ELOVL6: variants seen among roughly 807,000 people sequenced by gnomAD.
ELOVL6 encodes the protein ELOVL fatty acid elongase 6.
A neutral mutation model predicts 31.7 loss-of-function variants in ELOVL6; 8 were observed. That is an observed-to-expected ratio of 0.25 (90% CI 0.15 to 0.45). The LOEUF (loss-of-function observed/expected upper bound fraction) is 0.45. Among genes scored for constraint, ELOVL6 ranks in the 20% least tolerant of loss-of-function variants. The probability of loss-of-function intolerance (pLI) is 1.00; values close to 1 mark genes in which losing one functional copy is unlikely to be tolerated. For synonymous variants in ELOVL6, 101 were observed against 117.7 expected, an observed-to-expected ratio of 0.86 and a Z score of 0.92; for missense variants, 126 against 326.4, an observed-to-expected ratio of 0.39 and a Z score of 4.73.
chr4:110,108,003 T>C (rs956762822), intron 1 of ELOVL6, among the ~76,000 whole-genome samples: 1 of 152,192 alleles, frequency 6.6e-6, no homozygotes, highest in Non-Finnish European at 1.5e-5. Context: ...TGAAGTGTTA[T>C]CTTATAAGCT....
rs1553956743 is a variant in ELOVL6, at chr4:110,090,600, C to CTTTTTTGTTTTTTTTT, written c.221+14896_221+14897insAAAAAAAAACAAAAAA. The stretch of plus-strand genomic sequence containing the variant: ...GGAACTTACAGGAAAGTTTGACTTT[C>CTTTTTTGTTTTTTTTT]TTTTTTTTTTTTTTTTTTTTCATGA... On this transcript the variant is annotated intron_variant, in intron 2 of 3. Coordinates refer to ENST00000302274, the MANE Select transcript of ELOVL6 (RefSeq NM_024090.3). Among the ~76,000 whole-genome samples, 106 of 103,714 alleles carry CTTTTTTGTTTTTTTTT rather than the reference C, an allele frequency of 1.0e-3. 4 individuals carry two copies. The highest frequency in any genetic ancestry group is 1.2e-3 in the Non-Finnish European group (68 of 55,216). The allele number at this position is 103,714 out of a possible 152,430, so 68.0% of individuals were successfully genotyped here.
At chr4:110,121,296 T>A (rs920267535) in intron 1 of ELOVL6, among the ~76,000 whole-genome samples, 2 of 152,234 alleles carry the variant, frequency 1.3e-5, no homozygotes, top group Admixed American at 6.5e-5. Context: ...GCAATAATTC[T>A]CCTTTCAGTA....
At chr4:110,173,897 C>A (rs914115717) in intron 1 of ELOVL6, among the ~76,000 whole-genome samples, 1 of 151,412 alleles carries the variant, frequency 6.6e-6, no homozygotes, top group Non-Finnish European at 1.5e-5. Flanking sequence ...GGCTTAATAC[C>A]TGGGTGATGA....
intron 2 of ELOVL6, among the ~76,000 whole-genome samples, chr4:110,061,642 C>T (rs911096955): frequency 1.3e-4 from 20 of 148,206 alleles, no homozygotes; most frequent in African/African-American, 5.0e-4. Flanking sequence ...CTGCAACCTC[C>T]GCCTCCTGGG....
At chr4:110,058,317 G>A (rs904240853) in intron 3 of ELOVL6, among the ~76,000 whole-genome samples, 11 of 152,228 alleles carry the variant, frequency 7.2e-5, no homozygotes, top group African/African-American at 2.4e-4. Context: ...GCATGCACAT[G>A]CACGCGGTAG....
chr4:110,079,392 C>T (rs183704049), intron 2 of ELOVL6, among the ~76,000 whole-genome samples: 1 of 152,298 alleles, frequency 6.6e-6, no homozygotes, highest in African/African-American at 2.4e-5. Context: ...CAAACTGTCT[C>T]TCAGACCACG....
At chr4:110,186,227 GA>G (rs926323662) in intron 1 of ELOVL6, among the ~76,000 whole-genome samples, 1 of 151,462 alleles carries the variant, frequency 6.6e-6, no homozygotes, top group East Asian at 1.9e-4. Context: ...AAAACAAACA[GA>G]AAAAAAATAA....
intron 1 of ELOVL6, among the ~76,000 whole-genome samples, chr4:110,132,618 G>A (rs1443686434): frequency 8.6e-5 from 13 of 151,974 alleles, no homozygotes. Context: ...CTTGAGGTCA[G>A]GAGTTCAAGA....
chr4:110,133,790 A>G (rs1757735298), intron 1 of ELOVL6, among the ~76,000 whole-genome samples: 1 of 152,204 alleles, frequency 6.6e-6, no homozygotes, highest in African/African-American at 2.4e-5. Flanking sequence ...CTAAGACCTG[A>G]CTAACATTTA....
At chr4:110,189,613 AAG>A (rs759305516) in intron 1 of ELOVL6, among the ~76,000 whole-genome samples, 35 of 105,264 alleles carry the variant, frequency 3.3e-4, no homozygotes, top group East Asian at 2.5e-3. Flanking sequence ...AAAAAAAAAA[AAG>A]AGAGAGAGAG....
chr4:110,131,234 T>A (rs1757660441), intron 1 of ELOVL6, among the ~76,000 whole-genome samples: 2 of 152,164 alleles, frequency 1.3e-5, no homozygotes, highest in Non-Finnish European at 2.9e-5. Context: ...CTTTCATGAG[T>A]CACCAGAAGG....
chr4:110,096,716 G>A (rs1756589630), intron 2 of ELOVL6, among the ~76,000 whole-genome samples: 1 of 152,086 alleles, frequency 6.6e-6, no homozygotes, highest in African/African-American at 2.4e-5. Context: ...AGGGTAACGG[G>A]ATTTGTGTGT....
chr4:110,141,625 C>T (rs1757958970), intron 1 of ELOVL6, among the ~76,000 whole-genome samples: 1 of 150,336 alleles, frequency 6.7e-6, no homozygotes, highest in South Asian at 2.1e-4. Flanking sequence ...GTATTTGATC[C>T]TACAGCATTA....
At chr4:110,098,080 T>C (rs1243344310) in intron 2 of ELOVL6, among the ~76,000 whole-genome samples, 1 of 152,198 alleles carries the variant, frequency 6.6e-6, no homozygotes, top group Admixed American at 6.5e-5. Flanking sequence ...CGTATCTGTC[T>C]ACAAGTTAGA....
At chr4:110,175,938 T>A (rs1432022486) in intron 1 of ELOVL6, among the ~76,000 whole-genome samples, 1 of 152,090 alleles carries the variant, frequency 6.6e-6, no homozygotes, top group African/African-American at 2.4e-5. Flanking sequence ...TGTGTAAAAC[T>A]ATTCTTTCTT....
intron 2 of ELOVL6, among the ~76,000 whole-genome samples, chr4:110,063,745 T>C (rs1755213482): frequency 7.7e-6 from 1 of 129,462 alleles, no homozygotes; most frequent in Admixed American, 8.0e-5. Flanking sequence ...TCTATGGTCA[T>C]ACTTTAAAAA....
intron 2 of ELOVL6, among the ~76,000 whole-genome samples, chr4:110,072,205 C>T (rs183044214): frequency 2.0e-5 from 3 of 152,310 alleles, no homozygotes; most frequent in African/African-American, 7.2e-5. Flanking sequence ...TGGCCAGGCG[C>T]AGTGGCTCAC....
chr4:110,083,302 T>C (rs1294270001), intron 2 of ELOVL6, among the ~76,000 whole-genome samples: 1 of 151,646 alleles, frequency 6.6e-6, no homozygotes. Context: ...TCTTCTGACA[T>C]GAAAGAAGTC....
At chr4:110,140,180 T>C (rs971546538) in intron 1 of ELOVL6, among the ~76,000 whole-genome samples, 3 of 152,232 alleles carry the variant, frequency 2.0e-5, no homozygotes, top group African/African-American at 7.2e-5. Context: ...TGTTTCACAG[T>C]AGGTGAAAAA....
Sources: allele counts gnomAD v4.1 joint callset (sites outside exome capture counted in the v4.1 genomes callset), GRCh38; gene constraint gnomAD v4.1.1; transcripts MANE v1.5; gene names NCBI Gene and HGNC (gene_info 2026-07-23, HGNC 2026-07-21).